DLGAP1: variants seen among roughly 807,000 people sequenced by gnomAD.
DLGAP1 encodes the protein disks large-associated protein 1.
DLGAP1 carries 11 observed loss-of-function variants against 90.8 expected under a neutral mutation model. The ratio of observed to expected loss-of-function variants is 0.12; its 90% confidence interval spans 0.08 to 0.20. The LOEUF (loss-of-function observed/expected upper bound fraction) is 0.20. Ranked by LOEUF, DLGAP1 falls within the 10% of genes least tolerant of loss-of-function variation. The probability of loss-of-function intolerance (pLI) is 1.00; values close to 1 mark genes in which losing one functional copy is unlikely to be tolerated. For missense variants in DLGAP1, 1,050 were observed against 1,333.8 expected (o/e 0.79, Z 3.31); for synonymous variants, 558 against 540.7 (o/e 1.03, Z -0.44).
intron 8 of DLGAP1, among the ~76,000 whole-genome samples, chr18:3,572,090 T>TTTTTC (rs1555684210): frequency 7.6e-5 from 8 of 105,702 alleles, no homozygotes; most frequent in African/African-American, 2.6e-4. Flanking sequence ...TTTTTTTTTT[T>TTTTTC]CTTTTGAGAC....
chr18:4,277,281 T>A (rs1430274139), intron 1 of DLGAP1, among the ~76,000 whole-genome samples: 1 of 152,246 alleles, frequency 6.6e-6, no homozygotes, highest in African/African-American at 2.4e-5. Context: ...AATTGCATAA[T>A]GTTACTTAAC....
chr18:4,344,859 G>A (rs908493934), intron 1 of DLGAP1, among the ~76,000 whole-genome samples: 6 of 152,072 alleles, frequency 3.9e-5, no homozygotes, highest in African/African-American at 9.7e-5. Flanking sequence ...TTGTTCACTA[G>A]GACATTTTTG....
chr18:3,735,726 A>G (rs1005733287), intron 6 of DLGAP1, among the ~76,000 whole-genome samples: 13 of 152,166 alleles, frequency 8.5e-5, no homozygotes, highest in African/African-American at 3.1e-4. Context: ...GGCTACTAGC[A>G]TGTATCAGGT....
At chr18:3,610,835 C>A (rs1377409561) in intron 7 of DLGAP1, among the ~76,000 whole-genome samples, 1 of 150,510 alleles carries the variant, frequency 6.6e-6, no homozygotes, top group Non-Finnish European at 1.5e-5. Flanking sequence ...AGACTCTGTC[C>A]CTCAAAAAAA....
chr18:3,981,803 G>A (rs1225878413), intron 3 of DLGAP1, among the ~76,000 whole-genome samples: 9 of 152,156 alleles, frequency 5.9e-5, no homozygotes, highest in African/African-American at 1.9e-4. Flanking sequence ...CCATCTATAT[G>A]TATATGAAAT....
chr18:4,232,346 C>T (rs1568462957), intron 1 of DLGAP1, among the ~76,000 whole-genome samples: 1 of 151,988 alleles, frequency 6.6e-6, no homozygotes. Flanking sequence ...TTCTTCTTTA[C>T]ATAGGAGAGA....
intron 1 of DLGAP1, among the ~76,000 whole-genome samples, chr18:4,450,883 A>T (rs2083808497): frequency 6.6e-6 from 1 of 152,208 alleles, no homozygotes; most frequent in East Asian, 1.9e-4. Flanking sequence ...TCTAGTTCAC[A>T]ATTAGATATC....
At chr18:3,991,435 G>A (rs2073965976) in intron 3 of DLGAP1, among the ~76,000 whole-genome samples, 1 of 152,320 alleles carries the variant, frequency 6.6e-6, no homozygotes, top group East Asian at 1.9e-4. Context: ...AGGAAGCTTT[G>A]TCAGGGGAAT....
chr18:3,981,336 C>T (rs1048007258), intron 3 of DLGAP1, among the ~76,000 whole-genome samples: 2 of 152,250 alleles, frequency 1.3e-5, no homozygotes, highest in African/African-American at 4.8e-5. Flanking sequence ...TGTGCCCACA[C>T]GTGAAGTAGG....
At chr18:4,387,923 T>TCA (rs869144582) in intron 1 of DLGAP1, among the ~76,000 whole-genome samples, 687 of 33,662 alleles carry the variant, frequency 0.02, 12 homozygotes, top group African/African-American at 0.037. Context: ...AGAGACTCCA[T>TCA]CACACATACA....
intron 7 of DLGAP1, among the ~76,000 whole-genome samples, chr18:3,687,775 A>ATACC (rs1438535815): frequency 1.6e-4 from 24 of 152,212 alleles, no homozygotes; most frequent in Non-Finnish European, 2.6e-4. Context: ...TTATACCAGG[A>ATACC]AGTGCAGTAT....
rs1051039967 is a variant in DLGAP1 at position 4,435,156 on chromosome 18, A to T, written c.-267+19850T>A. Among the ~76,000 whole-genome samples the T allele has an allele frequency of 1.3e-5, 2 of 152,186 alleles. 1 individual carries two copies. Among genetic ancestry groups the T allele is most frequent in the South Asian group, 4.1e-4 (2 of 4,834 alleles). On this transcript the variant is annotated intron_variant, in intron 1 of 12. Coordinates refer to ENST00000315677, the MANE Select transcript of DLGAP1 (RefSeq NM_004746.4). Reference sequence around the variant, plus strand: ...GGATAAAATTGAACATGGAATGAGAAGTAAGGAGGCTCTTGGATTTGCAGG... The same window carrying T: ...GGATAAAATTGAACATGGAATGAGATGTAAGGAGGCTCTTGGATTTGCAGG...
intron 1 of DLGAP1, among the ~76,000 whole-genome samples, chr18:4,402,982 A>G (rs962629632): frequency 1.3e-5 from 2 of 152,214 alleles, no homozygotes; most frequent in African/African-American, 4.8e-5. Flanking sequence ...GGCTCAATAT[A>G]TGAATTATGG....
In DLGAP1 at chr18:3,879,445, C is replaced by T; in HGVS notation, c.624G>A (p.Leu208=). ...SPGWWSSDDN[L]DGDMCIYHAP... is the part of the protein sequence containing the mutation. ...CGTGGTAGATGCACATGTCACCATC[C>T]AGGTTGTCGTCCGAGCTCCACCAGC... Residue 208 remains leucine (L), a synonymous_variant, in exon 4 of 13, where the codon CTG becomes CTA. Transcript: ENST00000315677. The surrounding 1 kb of genome is among the most constrained non-coding windows in gnomAD (Gnocchi z 6.6). The T allele has an allele frequency of 6.2e-7, 1 of 1,608,248 alleles. No homozygotes were observed. Among genetic ancestry groups the T allele is most frequent in the Non-Finnish European group, 8.5e-7 (1 of 1,179,956 alleles).
intron 7 of DLGAP1, among the ~76,000 whole-genome samples, chr18:3,669,136 T>TTTTTTTTTTTTTTTTTTTTTTTG (rs1555622089): frequency 6.6e-6 from 1 of 151,510 alleles, no homozygotes; most frequent in Admixed American, 6.6e-5. Flanking sequence ...TTTCAGTCTT[T>TTTTTTTTTTTTTTTTTTTTTTTG]AAGAAAGACA....
At chr18:3,772,110 T>C (rs1488749583) in intron 5 of DLGAP1, among the ~76,000 whole-genome samples, 8 of 150,778 alleles carry the variant, frequency 5.3e-5, no homozygotes, top group African/African-American at 2.0e-4. Flanking sequence ...TCTTTTCTTT[T>C]CTTTCCTTTC....
intron 3 of DLGAP1, among the ~76,000 whole-genome samples, chr18:3,986,971 GCT>G (rs1413995727): frequency 6.6e-6 from 1 of 152,124 alleles, no homozygotes; most frequent in Non-Finnish European, 1.5e-5. Flanking sequence ...ACAGGACGAG[GCT>G]CTGACTACGC....
At chr18:4,136,941 G>A (rs12967603) in intron 2 of DLGAP1, among the ~76,000 whole-genome samples, 14,842 of 152,092 alleles carry the variant, frequency 0.098, 895 homozygotes, top group East Asian at 0.19. Context: ...GGGTACATGT[G>A]CACAACGTGC....
chr18:3,623,030 C>A (rs1236023505), intron 7 of DLGAP1, among the ~76,000 whole-genome samples: 3 of 152,074 alleles, frequency 2.0e-5, no homozygotes, highest in Non-Finnish European at 4.4e-5. Context: ...GTCTTGAACT[C>A]CTGACCTCAA....
Sources: allele counts gnomAD v4.1 joint callset (sites outside exome capture counted in the v4.1 genomes callset), GRCh38; gene constraint gnomAD v4.1.1; non-coding constraint Gnocchi (gnomAD v3.1); transcripts MANE v1.5; gene names NCBI Gene and HGNC (gene_info 2026-07-23, HGNC 2026-07-21).